The following NAA11 variants were observed in gnomAD, a reference collection of about 807,000 sequenced individuals.
NAA11 encodes the protein N-alpha-acetyltransferase 11, NatA catalytic subunit, also known as N-alpha-acetyltransferase 11.
In NAA11, 15 loss-of-function variants were observed where a neutral mutation model predicts 16.1. That is an observed-to-expected ratio of 0.93 (90% CI 0.62 to 1.44). The LOEUF is 1.44. Among genes scored for constraint, NAA11 ranks in the 40% most tolerant of loss-of-function variants. The pLI is 0.00. For missense variants in NAA11, 298 were observed against 291.3 expected, an observed-to-expected ratio of 1.02 and a Z score of -0.17; for synonymous variants, 122 against 112.4, an observed-to-expected ratio of 1.09 and a Z score of -0.54.
intron 2 of NAA11, among the ~76,000 whole-genome samples, chr4:79,252,432 T>C (rs545912864): frequency 6.6e-6 from 1 of 152,308 alleles, no homozygotes; most frequent in East Asian, 1.9e-4. Context: ...TAAAAGAGGT[T>C]GAGCTCCCAT....
intron 2 of NAA11, chr4:79,244,856 G>A (rs1721773573): frequency 6.3e-6 from 1 of 157,704 alleles, no homozygotes; most frequent in Non-Finnish European, 1.4e-5. Context: ...CTCAGCTCCT[G>A]ACCTCGAGTG....
rs539732597 is a variant in NAA11 at position 79,288,220 on chromosome 4, GT to G, written c.*122+5784del. On this transcript the variant is annotated intron_variant and NMD_transcript_variant, in intron 2 of 2. Transcript: ENST00000511542. ...CTGACACCTCATTACAGAATGGGGT[GT>G]TTTTTCCCCCAGTCTGTATTAGCAG... is the stretch of plus-strand genomic sequence containing the variant. Among the ~76,000 whole-genome samples, 219 of 152,180 alleles carry G rather than the reference GT, an allele frequency of 1.4e-3. 1 individual carries two copies. Among genetic ancestry groups the G allele is most frequent in the South Asian group, 5.6e-3 (27 of 4,820 alleles).
chr4:79,208,936 A>AAAAAAC, the NAA11 span, among the ~76,000 whole-genome samples: 15 of 148,578 alleles, frequency 1.0e-4, no homozygotes, highest in Non-Finnish European at 1.9e-4. Context: ...AAAAAAAAAA[A>AAAAAAC]AAAAAAAAAA....
intron 2 of NAA11, among the ~76,000 whole-genome samples, chr4:79,238,031 T>A (rs7679438): frequency 0.71 from 108,231 of 152,146 alleles, 40,672 homozygotes; most frequent in East Asian, 0.89. Context: ...ACTTTGAAGC[T>A]TTCTAAGGAA....
At chr4:79,226,676 G>A (rs1475050690) in intron 2 of NAA11, among the ~76,000 whole-genome samples, 2 of 149,784 alleles carry the variant, frequency 1.3e-5, no homozygotes, top group East Asian at 2.0e-4. Context: ...AGAACATGTG[G>A]TGTTTGTTTT....
chr4:79,247,848 C>T (rs1721877216), intron 2 of NAA11, among the ~76,000 whole-genome samples: 1 of 152,126 alleles, frequency 6.6e-6, no homozygotes, highest in South Asian at 2.1e-4. Context: ...GACCCCATGA[C>T]CCCCACAGAC....
the NAA11 span, among the ~76,000 whole-genome samples, chr4:79,170,925 CAAAAAAACA>C: frequency 2.3e-5 from 1 of 43,556 alleles, no homozygotes; most frequent in Non-Finnish European, 9.3e-5. Context: ...ATAGCATTCA[CAAAAAAACA>C]AAAAAAAAAT....
chr4:79,305,769 C>T (rs1723560867), intron 1 of NAA11, among the ~76,000 whole-genome samples: 1 of 152,128 alleles, frequency 6.6e-6, no homozygotes, highest in South Asian at 2.1e-4. Flanking sequence ...CAGGCATCTT[C>T]CTCATTTTTT....
the NAA11 span, among the ~76,000 whole-genome samples, chr4:79,199,082 T>C: frequency 6.6e-5 from 10 of 151,912 alleles, no homozygotes; most frequent in Non-Finnish European, 1.3e-4. Flanking sequence ...CACATAGTAA[T>C]GCAGATACAG....
At chr4:79,204,281 A>G in the NAA11 span, among the ~76,000 whole-genome samples, 2 of 151,922 alleles carry the variant, frequency 1.3e-5, no homozygotes, top group Non-Finnish European at 2.9e-5. Context: ...TGAAGGTTTT[A>G]TTTTAATAAA....
At chr4:79,281,277 A>G (rs926641040) in intron 2 of NAA11, among the ~76,000 whole-genome samples, 4 of 151,872 alleles carry the variant, frequency 2.6e-5, no homozygotes, top group South Asian at 4.1e-4. Flanking sequence ...GATGGAGGAA[A>G]AAAAAAAAAA....
chr4:79,236,448 A>G (rs972911152), intron 2 of NAA11, among the ~76,000 whole-genome samples: 6 of 152,146 alleles, frequency 3.9e-5, no homozygotes, highest in African/African-American at 4.8e-5. Context: ...AAGAATTTGT[A>G]AAATGTATTT....
At chr4:79,185,034 T>G in the NAA11 span, among the ~76,000 whole-genome samples, 1 of 152,154 alleles carries the variant, frequency 6.6e-6, no homozygotes, top group Admixed American at 6.5e-5. Flanking sequence ...AGAGTTTAGA[T>G]TTTGTACGTG....
chr4:79,197,162 A>G, the NAA11 span, among the ~76,000 whole-genome samples: 1 of 151,942 alleles, frequency 6.6e-6, no homozygotes, highest in East Asian at 1.9e-4. Context: ...ATAACAAGAA[A>G]TGCATGTACT....
the NAA11 span, among the ~76,000 whole-genome samples, chr4:79,187,145 AAT>A: frequency 6.6e-6 from 1 of 152,190 alleles, no homozygotes; most frequent in African/African-American, 2.4e-5. Flanking sequence ...CATTTTCTCA[AAT>A]AATTTCCCAT....
chr4:79,167,930 G>T, the NAA11 span, among the ~76,000 whole-genome samples: 1 of 152,028 alleles, frequency 6.6e-6, no homozygotes, highest in Non-Finnish European at 1.5e-5. Context: ...GTGCAGGTTT[G>T]TTACATAGGT....
At chr4:79,167,158 A>ATATATATATATATATATATATATATATG in the NAA11 span, among the ~76,000 whole-genome samples, 1 of 89,980 alleles carries the variant, frequency 1.1e-5, no homozygotes, top group Non-Finnish European at 2.3e-5. Flanking sequence ...ATATATATGT[A>ATATATATATATATATATATATATATATG]TATGGAGAGA....
At chr4:79,225,240 C>G (rs1341191162), downstream of NAA11, among the ~76,000 whole-genome samples, 2 of 151,822 alleles carry the variant, frequency 1.3e-5, no homozygotes, top group Admixed American at 6.6e-5. Context: ...AATATGAAAC[C>G]ATTAAAAAAA....
the NAA11 span, among the ~76,000 whole-genome samples, chr4:79,177,374 A>T: frequency 6.9e-6 from 1 of 144,488 alleles, no homozygotes; most frequent in African/African-American, 2.5e-5. Flanking sequence ...TGTTAATCTG[A>T]GTGCAGAACC....
Sources: allele counts gnomAD v4.1 joint callset (sites outside exome capture counted in the v4.1 genomes callset), GRCh38; gene constraint gnomAD v4.1.1; transcripts MANE v1.5; gene names NCBI Gene and HGNC (gene_info 2026-07-23, HGNC 2026-07-21).